UBR4: variants seen among roughly 807,000 people sequenced by gnomAD.
The protein encoded by UBR4 is E3 ubiquitin-protein ligase UBR4.
Under a neutral mutation model 575.6 loss-of-function variants are expected in UBR4, and 124 were observed. The ratio of observed to expected loss-of-function variants is 0.22; its 90% CI spans 0.19 to 0.25. The LOEUF (loss-of-function observed/expected upper bound fraction) is 0.25, where lower values mean the gene tolerates loss of function less well. Among genes scored for constraint, UBR4 ranks in the 10% least tolerant of loss-of-function variants. The pLI, the probability that UBR4 is intolerant of heterozygous loss-of-function variation, is 1.00. For missense variants in UBR4, 4,818 were observed against 6,478.8 expected, an observed-to-expected ratio of 0.74 and a Z score of 8.80; for synonymous variants, 2,455 against 2,473.7, an observed-to-expected ratio of 0.99 and a Z score of 0.22.
chr1:19,103,597 A>G (rs142422982), intron 87 of UBR4, among the ~76,000 whole-genome samples: 1 of 152,242 alleles, frequency 6.6e-6, no homozygotes, highest in Non-Finnish European at 1.5e-5. Flanking sequence ...AGACCATAAA[A>G]TCTAGAACCA....
At chr1:19,165,999 G>A (rs1038254332) in intron 29 of UBR4, among the ~76,000 whole-genome samples, 6 of 152,194 alleles carry the variant, frequency 3.9e-5, no homozygotes, top group Non-Finnish European at 8.8e-5. Flanking sequence ...GAACAGGAAA[G>A]GCATCTAAAG....
At position 19,150,636 on chromosome 1, in the gene UBR4, G is replaced by A. The variant is rs141048181; in HGVS notation, c.7371C>T (p.Asn2457=). 3.3e-5 allele frequency: 53 copies of A among 1,613,914 alleles called. No individual in the cohort carries two copies. The highest frequency in any genetic ancestry group is 1.7e-4 in the Middle Eastern group (1 of 6,028). Residue 2457 remains asparagine (N), a synonymous_variant, in exon 49 of 106, where the codon AAC becomes AAT. Transcript: ENST00000375254. ...CAGCTGAGTCGCTATCTCCAGTGCC[G>A]TTGCTCTGGTTCAGATTTGAAGGGC... ...NICPSNLNQS[N]GTGDSDSAAP...
intron 59 of UBR4, among the ~76,000 whole-genome samples, chr1:19,138,810 T>TA (rs762172521): frequency 1.3e-5 from 2 of 152,178 alleles, no homozygotes; most frequent in African/African-American, 4.8e-5. Flanking sequence ...AAAAAAGACT[T>TA]ACGCATGTCA....
chr1:19,150,258 G>A lies in UBR4; in HGVS notation c.7430+319C>T, dbSNP rs539048325. On this transcript the variant is annotated intron_variant, in intron 49 of 105. Transcript: ENST00000375254. ...GTTTTCCTATCATTTCAGCAAGCCT[G>A]GATCCTAATCTAGAATACTGGCTTG... 8.0e-4 allele frequency among the ~76,000 whole-genome samples: 122 copies of A among 152,278 alleles called. 1 individual carries two copies. Among genetic ancestry groups the A allele is most frequent in the African/African-American group, 2.6e-3 (109 of 41,560 alleles).
At chr1:19,176,845 C>T (rs1472504465) in intron 19 of UBR4, 118 bp from the exon 20 acceptor site, 16 of 1,164,066 alleles carry the variant, frequency 1.4e-5, no homozygotes, top group Non-Finnish European at 1.9e-5. Context: ...GGGTGTTCTA[C>T]ATTCAAATAT....
chr1:19,155,117 C>T (rs1269918633), intron 43 of UBR4, 42 bp from the exon 44 acceptor site: 1 of 1,609,406 alleles, frequency 6.2e-7, no homozygotes, highest in Non-Finnish European at 8.5e-7. Flanking sequence ...TTCATGTTGC[C>T]TTGGCTACCA....
At chr1:19,170,379 A>G (rs1024077708) in intron 26 of UBR4, among the ~76,000 whole-genome samples, 9 of 152,240 alleles carry the variant, frequency 5.9e-5, no homozygotes, top group African/African-American at 2.2e-4. Flanking sequence ...AGCCTGGGTG[A>G]CAGGGCAAGA....
chr1:19,143,832 A>G (rs377626601), intron 55 of UBR4, 148 bp downstream of exon 55: 3 of 574,274 alleles, frequency 5.2e-6, no homozygotes. Context: ...TAAATTCTTT[A>G]TGGGGTGAGG....
At chr1:19,099,507 A>C in intron 90 of UBR4, 90 bp downstream of exon 90, 1 of 1,158,794 alleles carries the variant, frequency 8.6e-7, no homozygotes, top group East Asian at 2.4e-5. Flanking sequence ...AAGCCAGGTA[A>C]GTGATGATGA....
At chr1:19,123,104 G>A in intron 65 of UBR4, 44 bp from the exon 66 acceptor site, 1 of 1,592,034 alleles carries the variant, frequency 6.3e-7, no homozygotes, top group Non-Finnish European at 8.6e-7. Context: ...CTCTGGGACT[G>A]TATCTATATC....
Position 19,089,224 on chromosome 1 carries a change from T to C in UBR4, c.14212-247A>G, listed in dbSNP as rs1307986346. On this transcript the variant is annotated intron_variant, in intron 97 of 105. Coordinates refer to ENST00000375254, the MANE Select transcript of UBR4 (RefSeq NM_020765.3). The surrounding 1 kb of genome is among the most constrained non-coding windows in gnomAD (Gnocchi z 4.3). ...ATTTCCATCTATAAAATGGGGATAG[T>C]GCAAGGGCTGCTGTGATGACTAAAA... is the stretch of plus-strand genomic sequence containing the variant. 6.6e-6 allele frequency among the ~76,000 whole-genome samples: 1 copy of C among 152,186 alleles called. No individual in the cohort carries two copies. The highest frequency in any genetic ancestry group is 2.4e-5 in the African/African-American group (1 of 41,454).
chr1:19,205,636 G>T (rs79433750), intron 1 of UBR4, among the ~76,000 whole-genome samples: 2,950 of 136,294 alleles, frequency 0.022, 41 homozygotes, highest in South Asian at 0.061. Context: ...TTTTGGTGGC[G>T]GGCTTTTTTT....
Position 19,168,052 on chromosome 1 carries a change from C to G in UBR4, c.3874G>C (p.Val1292Leu). The change falls in exon 28 of 106, where the codon GTC (valine) becomes CTC (leucine). Residue 1292 changes from valine (V) to leucine (L), a missense_variant. Coordinates refer to ENST00000375254, the MANE Select transcript of UBR4 (RefSeq NM_020765.3). ...ACAATAAGATCTCCAGTCAACCTGA[C>G]CAGTGAGAGGAGGGTATGCTTCAGG... ...ASLKHTLLSL[V>L]RLTGDLIVWS... The G allele has an allele frequency of 6.2e-7, 1 of 1,613,160 alleles. No homozygotes were observed. Among genetic ancestry groups the G allele is most frequent in the Non-Finnish European group, 8.5e-7 (1 of 1,179,350 alleles).
rs570037804 is a variant in UBR4, at chr1:19,176,508, C to G, written c.2773+84G>C. On this transcript the variant is annotated intron_variant, in intron 20 of 105. Transcript: ENST00000375254. ...TACACTAAAGCAAATGACCAAAGAT[C>G]CTCCAAGAGTCCCCAAGCTTCAAAT... 6 of 1,521,806 alleles carry G rather than the reference C, an allele frequency of 3.9e-6. No individual in the cohort carries two copies. The African/African-American group carries it at 4.1e-5, about 11-fold the overall frequency. 94.3% of individuals were successfully genotyped at this position (1,521,806 alleles called of 1,614,324 possible).
At position 19,160,880 on chromosome 1, in the gene UBR4, CTCTG is replaced by C. The variant is rs1339009827; in HGVS notation, c.5406+33_5406+36del. 1.9e-6 allele frequency: 3 copies of C among 1,601,682 alleles called. No individual in the cohort carries two copies. The Admixed American group carries it at 5.0e-5, about 27-fold the overall frequency. ...TCACACCAATTCAACAGGCTCTGAA[CTCTG>C]TCTGCTTACTAGGGAGCATCAGTCA... On this transcript the variant is annotated intron_variant, in intron 38 of 105. Coordinates refer to ENST00000375254, the MANE Select transcript of UBR4 (RefSeq NM_020765.3).
At chr1:19,156,136 G>A (rs565469623) in intron 42 of UBR4, 135 bp downstream of exon 42, 2 of 1,218,156 alleles carry the variant, frequency 1.6e-6, no homozygotes, top group South Asian at 3.0e-5. Flanking sequence ...AGCCTTCCAA[G>A]TAGCTGGTAC....
chr1:19,107,877 A>G (rs1455754886), intron 81 of UBR4, among the ~76,000 whole-genome samples: 3 of 152,206 alleles, frequency 2.0e-5, no homozygotes, highest in Non-Finnish European at 4.4e-5. Context: ...TGTCAACATA[A>G]ATTTTATATT....
rs1201529803 is a variant in UBR4 at position 19,087,699 on chromosome 1, G to A, written c.14544+117C>T. The stretch of plus-strand genomic sequence containing the variant: ...GCTGGTCCTTTTGTTAATCTCCTAA[G>A]ATGCAGGCCTTGATCTTGCCTAGCT... On this transcript the variant is annotated intron_variant, in intron 99 of 105. Coordinates refer to ENST00000375254, the MANE Select transcript of UBR4 (RefSeq NM_020765.3). 6 of 730,744 alleles carry A rather than the reference G, an allele frequency of 8.2e-6. 1 individual carries two copies. The highest frequency in any genetic ancestry group is 3.5e-5 in the South Asian group (2 of 57,710). The allele number at this position is 730,744 out of a possible 1,614,324, so 45.3% of individuals were successfully genotyped here.
chr1:19,084,764 C>G, intron 101 of UBR4, 66 bp from the exon 102 acceptor site: 1 of 1,482,840 alleles, frequency 6.7e-7, no homozygotes, highest in Non-Finnish European at 9.2e-7. Flanking sequence ...GTTTGGGAGA[C>G]AGAGCCTCCT....
Sources: allele counts gnomAD v4.1 joint callset (sites outside exome capture counted in the v4.1 genomes callset), GRCh38; gene constraint gnomAD v4.1.1; non-coding constraint Gnocchi (gnomAD v3.1); transcripts MANE v1.5; gene names NCBI Gene and HGNC (gene_info 2026-07-23, HGNC 2026-07-21).